The following GAN variants were observed in gnomAD, a reference collection of about 807,000 sequenced individuals.
GAN encodes the protein gigaxonin.
A neutral mutation model predicts 71.3 loss-of-function variants in GAN; 48 were observed. The observed-to-expected ratio is 0.67, with a 90% confidence interval of 0.53 to 0.86. The LOEUF is 0.86. Ranked by LOEUF, GAN falls within the 40% of genes least tolerant of loss-of-function variation. GAN has a pLI of 0.00. For missense variants in GAN, 928 were observed against 770.1 expected (o/e 1.21, Z -2.43); for synonymous variants, 386 against 276.8 (o/e 1.39, Z -3.92).
chr16:81,333,314 A>C (rs1216840569), intron 1 of GAN, among the ~76,000 whole-genome samples: 1 of 151,552 alleles, frequency 6.6e-6, no homozygotes, highest in Non-Finnish European at 1.5e-5. Flanking sequence ...AAGTTGTGGG[A>C]GCAACACTTT....
Position 81,379,699 on chromosome 16 carries a change from C to T in GAN, c.*2103C>T, listed in dbSNP as rs1047448958. 2 of 152,204 alleles carry T rather than the reference C, an allele frequency of 1.3e-5. No homozygotes were observed. The highest frequency in any genetic ancestry group is 6.5e-5 in the Admixed American group (1 of 15,282). The allele number at this position is 152,204 out of a possible 1,614,324, so 9.4% of individuals were successfully genotyped here. On this transcript the variant is annotated 3_prime_UTR_variant, in exon 11 of 11. Transcript: ENST00000648994. ...TACAGAACAGTACCTTGGCATTCAG[C>T]AGCTGTAATTGGGGAACATTAAAAC...
Position 81,354,644 on chromosome 16 carries a change from T to G in GAN, c.522T>G (p.Ser174Arg), listed in dbSNP as rs1910425624. Reference protein sequence around the residue: ...VSSTEEFLELSPQKLKEVISL... With the variant: ...VSSTEEFLELRPQKLKEVISL... ...GCACGGAAGAATTCTTAGAGCTGAG[T>G]CCTCAAAAGCTTAAAGAAGTGATTT... Residue 174 changes from serine to arginine, a missense_variant, in exon 3 of 11, where the codon AGT becomes AGG. Transcript: ENST00000648994. 1 of 1,613,038 alleles carries G rather than the reference T, an allele frequency of 6.2e-7. No homozygotes were observed. Among genetic ancestry groups the G allele is most frequent in the African/African-American group, 1.3e-5 (1 of 74,884 alleles).
At chr16:81,356,714 A>G in intron 3 of GAN, 71 bp from the exon 4 acceptor site, 1 of 1,078,334 alleles carries the variant, frequency 9.3e-7, no homozygotes, top group Non-Finnish European at 1.4e-6. Flanking sequence ...TGAGGTGGAA[A>G]ATGTAGATTC....
intron 1 of GAN, among the ~76,000 whole-genome samples, chr16:81,320,287 T>G (rs898758734): frequency 3.3e-5 from 5 of 152,246 alleles, no homozygotes; most frequent in Admixed American, 6.5e-5. Context: ...TAGTTTAATG[T>G]CACATGGGCA....
chr16:81,341,074 A>C (rs1909925260), intron 1 of GAN, among the ~76,000 whole-genome samples: 2 of 151,976 alleles, frequency 1.3e-5, no homozygotes, highest in South Asian at 4.1e-4. Context: ...GAAATAAAGC[A>C]AGAAGACAAG....
In GAN at chr16:81,345,815, T is replaced by C. The variant is rs1026728514; in HGVS notation, c.168-5768T>C. ...TAGTTTCCCCCATCCTACCACTGTC[T>C]GCAAGACGCATGCAAGTTTTCCACA... On this transcript the variant is annotated intron_variant, in intron 1 of 10. Transcript: ENST00000648994. 9.9e-5 allele frequency among the ~76,000 whole-genome samples: 15 copies of C among 152,232 alleles called. No homozygotes were observed. In the South Asian group the frequency reaches 1.4e-3, roughly 15 times the overall value.
chr16:81,325,255 T>G (rs1597389270), intron 1 of GAN, among the ~76,000 whole-genome samples: 1 of 152,356 alleles, frequency 6.6e-6, no homozygotes. Flanking sequence ...TTACAGATAC[T>G]TCTAGCTGTA....
chr16:81,324,330 C>T (rs756578243), intron 1 of GAN, among the ~76,000 whole-genome samples: 2 of 151,736 alleles, frequency 1.3e-5, no homozygotes, highest in Admixed American at 6.6e-5. Context: ...ATGAGTTTGC[C>T]GAAGGAAGTC....
In GAN at chr16:81,379,040, G is replaced by GGT. The variant is rs1400325524; in HGVS notation, c.*1445_*1446dup. 3.3e-5 allele frequency: 5 copies of GGT among 149,438 alleles called. No homozygotes were observed. Among genetic ancestry groups the GGT allele is most frequent in the African/African-American group, 1.3e-4 (5 of 39,590 alleles). The allele number at this position is 149,438 out of a possible 1,614,324, so 9.3% of individuals were successfully genotyped here. A position where few individuals can be genotyped will look rare whatever the true frequency, so the allele number is the denominator to read the frequency against. ...ATTTTTAATTGTTTTCTAAAAAAAA[G>GGT]GTTTTTTTTTTCCTTTTGGAATATG... is the stretch of plus-strand genomic sequence containing the variant. On this transcript the variant is annotated 3_prime_UTR_variant, in exon 11 of 11. Transcript: ENST00000648994.
chr16:81,351,424 T>G (rs531603690), intron 1 of GAN, among the ~76,000 whole-genome samples, 159 bp from the exon 2 acceptor site: 1 of 152,336 alleles, frequency 6.6e-6, no homozygotes, highest in South Asian at 2.1e-4. Flanking sequence ...TAGTTGAAAG[T>G]TATAGAAATA....
At position 81,377,490 on chromosome 16, in the gene GAN, C is replaced by G. The variant is rs1378724061; in HGVS notation, c.1688C>G (p.Ser563Cys). ...CACCACACTAAACCACTCCTTCCAT[C>G]CGACCTTCGCCGTACAGGATGTGCA... is the stretch of plus-strand genomic sequence containing the variant. ...TWHHTKPLLP[S>C]DLRRTGCAAL... The change falls in exon 11 of 11, where the codon TCC (serine) becomes TGC (cysteine). Residue 563 changes from serine (S) to cysteine (C), a missense_variant. By Grantham distance (112) the Ser-to-Cys change is moderately radical. Coordinates refer to ENST00000648994, the MANE Select transcript of GAN (RefSeq NM_022041.4). 12 of 1,614,064 alleles carry G rather than the reference C, an allele frequency of 7.4e-6. No homozygotes were observed. The highest frequency in any genetic ancestry group is 1.0e-5 in the Non-Finnish European group (12 of 1,179,898).
chr16:81,339,160 GGAGACCGACA>G (rs1242973614), intron 1 of GAN, among the ~76,000 whole-genome samples: 1 of 152,170 alleles, frequency 6.6e-6, no homozygotes, highest in Non-Finnish European at 1.5e-5. Context: ...AGAGTGGTCT[GGAGACCGACA>G]GAATCCACAT....
Position 81,377,219 on chromosome 16 carries a change from G to C in GAN, c.1503G>C (p.Arg501Ser). 1 of 1,579,078 alleles carries C rather than the reference G, an allele frequency of 6.3e-7. No individual in the cohort carries two copies. Among genetic ancestry groups the C allele is most frequent in the South Asian group, 1.1e-5 (1 of 90,316 alleles). ...KSEFYHDEFK[R>S]WIYLNDQNLC... is the part of the protein sequence containing the mutation. The stretch of plus-strand genomic sequence containing the variant: ...TTTTGTGCATGGGCTTTGTTTTCAG[G>C]TGGATCTATCTTAACGACCAGAATT... The change falls in exon 10 of 11, where the codon AGG (arginine) becomes AGC (serine). Residue 501 changes from arginine to serine, a missense_variant and splice_region_variant. Transcript: ENST00000648994.
intron 1 of GAN, among the ~76,000 whole-genome samples, chr16:81,328,300 G>T (rs1416944472): frequency 6.6e-6 from 1 of 152,180 alleles, no homozygotes; most frequent in Non-Finnish European, 1.5e-5. Flanking sequence ...GTTATTTACA[G>T]TTCGTCTTTT....
intron 1 of GAN, among the ~76,000 whole-genome samples, chr16:81,316,879 G>A (rs1471503143): frequency 6.6e-6 from 1 of 152,174 alleles, no homozygotes; most frequent in Admixed American, 6.5e-5. Context: ...TGTTTTTCGA[G>A]ACTGAGTTTC....
rs1323162015 is a variant in GAN at position 81,356,852 on chromosome 16, A to G, written c.701A>G (p.Gln234Arg). The part of the protein sequence containing the change: ...SGLDSSYLRE[Q>R]MLNEPLVREI... The stretch of plus-strand genomic sequence containing the variant: ...TTGGACTCCAGTTATTTACGGGAAC[A>G]GATGCTGAATGAACCATTAGTACGA... Residue 234 changes from glutamine (Q) to arginine (R), a missense_variant, in exon 4 of 11, where the codon CAG (glutamine) becomes CGG (arginine). By Grantham distance (43) the Gln-to-Arg change is conservative. Transcript: ENST00000648994. 1 of 1,613,864 alleles carries G rather than the reference A, an allele frequency of 6.2e-7. No individual in the cohort carries two copies. The highest frequency in any genetic ancestry group is 8.5e-7 in the Non-Finnish European group (1 of 1,179,714).
At chr16:81,362,850 C>T (rs1036500503) in intron 6 of GAN, among the ~76,000 whole-genome samples, 13 of 152,210 alleles carry the variant, frequency 8.5e-5, no homozygotes, top group African/African-American at 3.1e-4. Flanking sequence ...CACATTTATC[C>T]TGCCCTGTGC....
At chr16:81,316,652 AG>A (rs1379848765) in intron 1 of GAN, among the ~76,000 whole-genome samples, 3 of 152,244 alleles carry the variant, frequency 2.0e-5, no homozygotes, top group African/African-American at 7.2e-5. Flanking sequence ...AAAATGCTGA[AG>A]AAAACTACTT....
chr16:81,315,537 G>C (rs1909006263), intron 1 of GAN, among the ~76,000 whole-genome samples: 1 of 152,026 alleles, frequency 6.6e-6, no homozygotes, highest in East Asian at 1.9e-4. Context: ...CCCCGGACCC[G>C]GGCCGCGATC....
Sources: gnomAD v4.1 joint callset for allele counts (sites outside exome capture counted in the v4.1 genomes callset) on GRCh38, gnomAD v4.1.1 for gene constraint, MANE v1.5 for transcripts, NCBI Gene and HGNC (gene_info 2026-07-23, HGNC 2026-07-21) for gene names.